Variants in ZNF117 observed in about 807,000 individuals in gnomAD.
ZNF117 encodes zinc finger protein 117.
A neutral mutation model predicts 41.2 loss-of-function variants in ZNF117; 37 were observed. The observed-to-expected ratio is 0.90, with a 90% CI of 0.69 to 1.18. The LOEUF is 1.18. ZNF117 is among the 50% of genes most tolerant of loss of function. ZNF117 has a pLI of 0.00. For synonymous variants in ZNF117, 186 were observed against 186.6 expected (o/e 1.00, Z 0.02); for missense variants, 546 against 557.5 (o/e 0.98, Z 0.21).
At chr7:64,976,443 A>AG (rs1785889640) in exon 3 of ZNF117, 1 of 159,552 alleles carries the variant, frequency 6.3e-6, no homozygotes, top group Non-Finnish European at 1.3e-5. Flanking sequence ...CTCCATCTAA[A>AG]AAAAAAAAAA....
upstream of ZNF117, among the ~76,000 whole-genome samples, chr7:64,986,910 G>C (rs1053727299): frequency 1.3e-5 from 2 of 152,080 alleles, no homozygotes; most frequent in Non-Finnish European, 2.9e-5. Flanking sequence ...AATTAACAAA[G>C]ATATTAGGAC....
upstream of ZNF117, among the ~76,000 whole-genome samples, chr7:64,985,084 G>A (rs562731991): frequency 3.9e-5 from 6 of 152,180 alleles, no homozygotes; most frequent in African/African-American, 2.4e-5. Context: ...GAGCCACCAC[G>A]CCCGGCCGAA....
intron 1 of ZNF117, 102 bp from the exon 3 acceptor site, chr7:64,981,584 A>G (rs1370084162): frequency 2.0e-6 from 2 of 1,004,674 alleles, no homozygotes; most frequent in East Asian, 2.7e-5. Flanking sequence ...ATTCTAGTAA[A>G]TTAATCCCCA....
chr7:64,988,983 T>C, intron 1 of ZNF117, among the ~76,000 whole-genome samples: 1 of 152,038 alleles, frequency 6.6e-6, no homozygotes, highest in African/African-American at 2.4e-5. Context: ...TGCTCATGGA[T>C]AAAAAAGATC....
exon 3 of ZNF117, chr7:64,975,904 T>C (rs549797208): frequency 2.6e-5 from 4 of 152,316 alleles, no homozygotes; most frequent in Admixed American, 1.3e-4. Context: ...CAAAAATATA[T>C]TTTAGTATAA....
chr7:64,989,479 A>ATG (rs1786211253), intron 1 of ZNF117, among the ~76,000 whole-genome samples: 1 of 107,466 alleles, frequency 9.3e-6, no homozygotes, highest in Non-Finnish European at 2.0e-5. Context: ...ATATATATAT[A>ATG]TATATATATA....
exon 3 of ZNF117, chr7:64,975,818 T>A (rs1785873822): frequency 6.6e-6 from 1 of 152,192 alleles, no homozygotes; most frequent in Non-Finnish European, 1.5e-5. Flanking sequence ...GTGCCTTAGA[T>A]ATTTCTACTG....
At chr7:64,979,740 C>T (rs949460652) in intron 2 of ZNF117, among the ~76,000 whole-genome samples, 3 of 151,894 alleles carry the variant, frequency 2.0e-5, no homozygotes, top group African/African-American at 7.2e-5. Flanking sequence ...AAATGAGTTA[C>T]GTGTGTGCAG....
intron 1 of ZNF117, among the ~76,000 whole-genome samples, chr7:64,987,424 G>T (rs1444790285): frequency 6.6e-6 from 1 of 151,920 alleles, no homozygotes; most frequent in African/African-American, 2.4e-5. Context: ...ACTAGCAGAG[G>T]GCAAAAAGTA....
Position 64,981,368 on chromosome 7 carries a change from T to C in ZNF117, c.34+19A>G, listed in dbSNP as rs900638566. ...TTTGACCTCTTCTCTGTGCCATCTGTGTATTCACTCTCACTTACCTAAATG... is the reference window on the plus strand; with the variant it reads ...TTTGACCTCTTCTCTGTGCCATCTGCGTATTCACTCTCACTTACCTAAATG... On this transcript the variant is annotated intron_variant, in intron 2 of 2. Coordinates refer to ENST00000620222, the Ensembl canonical transcript of ZNF117. The C allele has an allele frequency of 8.1e-6, 13 of 1,612,776 alleles. No individual in the cohort carries two copies. Among genetic ancestry groups the C allele is most frequent in the Middle Eastern group, 1.6e-4 (1 of 6,080 alleles).
At chr7:64,981,558 G>A in intron 1 of ZNF117, 76 bp from the exon 3 acceptor site, 1 of 1,245,918 alleles carries the variant, frequency 8.0e-7, no homozygotes, top group East Asian at 2.4e-5. Context: ...GCTCAGTAAA[G>A]AGAATGCAAT....
chr7:64,976,104 T>C (rs1785879829), exon 3 of ZNF117: 1 of 152,182 alleles, frequency 6.6e-6, no homozygotes, highest in African/African-American at 2.4e-5. Flanking sequence ...ACCCTCTTTA[T>C]GTACCTAATG....
At chr7:64,979,374 T>A in exon 3 of ZNF117, 1 of 1,606,996 alleles carries the variant, frequency 6.2e-7, no homozygotes, top group East Asian at 2.2e-5. Flanking sequence ...AAGTCCACTA[T>A]AATCTCCTTT....
intron 1 of ZNF117, 107 bp downstream of exon 1, chr7:64,989,840 G>A (rs1055592373): frequency 1.3e-5 from 2 of 152,040 alleles, no homozygotes; most frequent in African/African-American, 4.8e-5. Flanking sequence ...TTGGGAAGCT[G>A]AGGCAGATGG....
At chr7:64,989,254 C>T (rs559887817) in intron 1 of ZNF117, among the ~76,000 whole-genome samples, 1 of 150,356 alleles carries the variant, frequency 6.7e-6, no homozygotes, top group South Asian at 2.1e-4. Flanking sequence ...TGCCACAATG[C>T]CACACACCTG....
At chr7:64,976,982 T>C (rs757107194) in exon 3 of ZNF117, 2 of 534,918 alleles carry the variant, frequency 3.7e-6, no homozygotes, top group Non-Finnish European at 7.6e-6. Flanking sequence ...ATTTGTAGGG[T>C]TTCTCTCCAG....
upstream of ZNF117, among the ~76,000 whole-genome samples, chr7:64,985,064 T>A (rs1196481227): frequency 2.0e-5 from 3 of 152,222 alleles, no homozygotes; most frequent in Non-Finnish European, 2.9e-5. Flanking sequence ...AGTGCAGGGA[T>A]TACAGGCATG....
intron 2 of ZNF117, chr7:64,980,571 G>T (rs903095742): frequency 2.8e-4 from 42 of 150,960 alleles, no homozygotes; most frequent in Middle Eastern, 3.4e-3. Context: ...AAATTAAAAA[G>T]GTTAACAAAG....
chr7:64,990,709 T>C (rs1330078686), exon 1 of ZNF117: 1 of 152,336 alleles, frequency 6.6e-6, no homozygotes, highest in Admixed American at 6.5e-5. Flanking sequence ...CAAAGAATAA[T>C]GTTATGGGGA....
Sources: allele counts gnomAD v4.1 joint callset (sites outside exome capture counted in the v4.1 genomes callset), GRCh38; gene constraint gnomAD v4.1.1; transcripts MANE v1.5; gene names NCBI Gene and HGNC (gene_info 2026-07-23, HGNC 2026-07-21).